The following PHTF2 variants were observed in gnomAD, a reference collection of about 807,000 sequenced individuals.
PHTF2 encodes the protein protein PHTF2.
PHTF2 carries 60 observed loss-of-function variants against 101.2 expected under a neutral mutation model. That is an observed-to-expected ratio of 0.59 (90% CI 0.48 to 0.73). The LOEUF (loss-of-function observed/expected upper bound fraction) is 0.73. PHTF2 is among the 30% of genes least tolerant of loss of function. The pLI is 0.00. For missense variants in PHTF2, 747 were observed against 908.7 expected (o/e 0.82, Z 2.29); for synonymous variants, 311 against 307.3 (o/e 1.01, Z -0.13).
chr7:77,936,337 A>G (rs1247902723), intron 12 of PHTF2, among the ~76,000 whole-genome samples: 1 of 152,192 alleles, frequency 6.6e-6, no homozygotes, highest in African/African-American at 2.4e-5. Context: ...GAAATATTTT[A>G]TAAAATTTGA....
In PHTF2 at chr7:77,948,201, T is replaced by C. The variant is rs112347214; in HGVS notation, c.1960-1477T>C. On this transcript the variant is annotated intron_variant, in intron 16 of 19. Transcript: ENST00000416283. ...TTAGAACCTTCAGATGAGAGACTTA[T>C]TTTAAAATTACAGAAAGACTTTATG... is the stretch of plus-strand genomic sequence containing the variant. Among the ~76,000 whole-genome samples, 881 of 152,264 alleles carry C rather than the reference T, an allele frequency of 5.8e-3. 16 individuals are homozygous for C. The highest frequency in any genetic ancestry group is 0.02 in the African/African-American group (823 of 41,554).
intron 3 of PHTF2, among the ~76,000 whole-genome samples, chr7:77,867,965 C>T (rs1263693241): frequency 6.6e-6 from 1 of 152,132 alleles, no homozygotes; most frequent in Non-Finnish European, 1.5e-5. Context: ...CAAATCATGC[C>T]CAGTACCTTT....
chr7:77,929,441 T>C, intron 12 of PHTF2, 114 bp downstream of exon 11: 1 of 610,386 alleles, frequency 1.6e-6, no homozygotes, highest in Non-Finnish European at 2.9e-6. Flanking sequence ...TTTCTATAAT[T>C]TTTTTTCTTT....
rs112559979 is a variant in PHTF2 at position 77,860,808 on chromosome 7, C to T, written c.147+5974C>T. Among the ~76,000 whole-genome samples the T allele has an allele frequency of 7.1e-3, 1,079 of 152,176 alleles. 3 individuals carry two copies. Among genetic ancestry groups the T allele is most frequent in the Admixed American group, 0.013 (192 of 15,280 alleles). ...TTCACTGCAGCCTTGACCTCCTCGGCTCAAGCAATCCTCCCACCCCAGCCT... is the reference window on the plus strand; with the variant it reads ...TTCACTGCAGCCTTGACCTCCTCGGTTCAAGCAATCCTCCCACCCCAGCCT... On this transcript the variant is annotated intron_variant, in intron 3 of 19. Coordinates refer to ENST00000416283, the Ensembl canonical transcript of PHTF2.
At chr7:77,815,476 T>A (rs923091780) in intron 1 of PHTF2, among the ~76,000 whole-genome samples, 1 of 152,258 alleles carries the variant, frequency 6.6e-6, no homozygotes, top group Non-Finnish European at 1.5e-5. Flanking sequence ...GGTTTCAATT[T>A]GTAGTTTTTA....
chr7:77,831,064 C>G (rs1795042123), intron 1 of PHTF2, among the ~76,000 whole-genome samples: 1 of 152,224 alleles, frequency 6.6e-6, no homozygotes, highest in African/African-American at 2.4e-5. Flanking sequence ...CACCAAGAGT[C>G]CCACTTAAAT....
chr7:77,954,716 C>T, intron 19 of PHTF2, 142 bp from the exon 19 acceptor site: 1 of 407,310 alleles, frequency 2.5e-6, no homozygotes, highest in Non-Finnish European at 4.5e-6. Context: ...GTGAGTTCTT[C>T]TTAAAAGGAT....
At chr7:77,941,018 G>A (rs573373848) in intron 15 of PHTF2, among the ~76,000 whole-genome samples, 13 of 152,240 alleles carry the variant, frequency 8.5e-5, no homozygotes, top group African/African-American at 3.1e-4. Flanking sequence ...GGAGGGAAGA[G>A]GGAAACATCT....
At chr7:77,879,964 T>C (rs1373876197) in intron 3 of PHTF2, among the ~76,000 whole-genome samples, 2 of 152,222 alleles carry the variant, frequency 1.3e-5, no homozygotes, top group East Asian at 3.8e-4. Context: ...TTGTAAAATA[T>C]TGGTTTTTAT....
At chr7:77,849,080 T>G (rs1446295855) in intron 2 of PHTF2, among the ~76,000 whole-genome samples, 1 of 152,034 alleles carries the variant, frequency 6.6e-6, no homozygotes, top group Non-Finnish European at 1.5e-5. Flanking sequence ...TCCACTGATC[T>G]TCATGTCTGT....
chr7:77,922,804 A>T, intron 11 of PHTF2, 26 bp downstream of exon 10: 1 of 1,459,798 alleles, frequency 6.9e-7, no homozygotes, highest in African/African-American at 1.4e-5. Flanking sequence ...TTAAGTGTAT[A>T]CATACGTATC....
In PHTF2 at chr7:77,893,254, T is replaced by C. The variant is rs374063594; in HGVS notation, c.148-354T>C. Reference sequence around the variant, plus strand: ...TTTTTTTTCTGAACCTCTCCCTCCTTTGAACCTCCTCCCTCAAGTAGGCCC... The same window carrying C: ...TTTTTTTTCTGAACCTCTCCCTCCTCTGAACCTCCTCCCTCAAGTAGGCCC... On this transcript the variant is annotated intron_variant, in intron 3 of 19. Transcript: ENST00000416283. Among the ~76,000 whole-genome samples, 73 of 152,258 alleles carry C rather than the reference T, an allele frequency of 4.8e-4. 1 individual carries two copies. In the South Asian group the frequency reaches 0.015, roughly 31 times the overall value.
chr7:77,829,939 G>T (rs1042564861), intron 1 of PHTF2, among the ~76,000 whole-genome samples: 1 of 152,154 alleles, frequency 6.6e-6, no homozygotes, highest in Non-Finnish European at 1.5e-5. Flanking sequence ...TTATGAAAAA[G>T]TATGTTTGTT....
At chr7:77,921,487 AAAG>A (rs1482205157) in intron 10 of PHTF2, among the ~76,000 whole-genome samples, 1 of 152,234 alleles carries the variant, frequency 6.6e-6, no homozygotes, top group Non-Finnish European at 1.5e-5. Context: ...TAAGGAAAAT[AAAG>A]AAAAGAGGAT....
intron 2 of PHTF2, among the ~76,000 whole-genome samples, chr7:77,851,290 A>G (rs1796740866): frequency 1.3e-5 from 2 of 152,146 alleles, no homozygotes; most frequent in Middle Eastern, 3.4e-3. Context: ...ATTACTTATT[A>G]TTGGTCTGTT....
intron 3 of PHTF2, among the ~76,000 whole-genome samples, chr7:77,870,344 A>G (rs1192573640): frequency 6.6e-6 from 1 of 151,902 alleles, no homozygotes. Flanking sequence ...ATTAACTCAC[A>G]CTATCACAAG....
chr7:77,807,491 A>G (rs1484658057), intron 1 of PHTF2, among the ~76,000 whole-genome samples: 2 of 152,054 alleles, frequency 1.3e-5, no homozygotes, highest in Non-Finnish European at 2.9e-5. Flanking sequence ...GGCCATTTGT[A>G]TATCATCTTT....
chr7:77,955,397 C>T (rs1400495501), exon 20 of PHTF2: 2 of 152,608 alleles, frequency 1.3e-5, no homozygotes, highest in East Asian at 1.9e-4. Flanking sequence ...AGTTTAAGCA[C>T]CCTTCAGTAT....
exon 9 of PHTF2, chr7:77,910,338 C>T (rs777494094): frequency 2.3e-5 from 37 of 1,613,448 alleles, no homozygotes; most frequent in Admixed American, 5.0e-5. Flanking sequence ...TTCAGAACCA[C>T]GGTACAAGCA....
Sources: gnomAD v4.1 joint callset for allele counts (sites outside exome capture counted in the v4.1 genomes callset) on GRCh38, gnomAD v4.1.1 for gene constraint, MANE v1.5 for transcripts, NCBI Gene and HGNC (gene_info 2026-07-23, HGNC 2026-07-21) for gene names.